STAC2: variants seen among roughly 807,000 people sequenced by gnomAD.
STAC2 encodes the protein SH3 and cysteine rich domain 2.
A neutral mutation model predicts 49.0 loss-of-function variants in STAC2; 36 were observed. The ratio of observed to expected loss-of-function variants is 0.74; its 90% confidence interval spans 0.56 to 0.97. STAC2 has a LOEUF of 0.97. Among genes scored for constraint, STAC2 ranks in the 50% least tolerant of loss-of-function variants. STAC2 has a pLI of 0.00. For synonymous variants in STAC2, 239 were observed against 214.7 expected (o/e 1.11, Z -0.99); for missense variants, 527 against 543.8 (o/e 0.97, Z 0.31).
At chr17:39,219,317 G>A (rs2046439717) in intron 1 of STAC2, among the ~76,000 whole-genome samples, 5 of 151,722 alleles carry the variant, frequency 3.3e-5, no homozygotes, top group Admixed American at 3.3e-4. Context: ...CTTTTGACAT[G>A]TTTGTCCTCT....
intron 2 of STAC2, among the ~76,000 whole-genome samples, chr17:39,217,442 G>A (rs2046415871): frequency 6.6e-6 from 1 of 152,146 alleles, no homozygotes; most frequent in Non-Finnish European, 1.5e-5. Flanking sequence ...GCACAGTTGG[G>A]GGTGGGTGCA....
intron 7 of STAC2, 77 bp downstream of exon 7, chr17:39,214,714 C>G (rs1045542431): frequency 7.2e-6 from 11 of 1,518,234 alleles, no homozygotes; most frequent in East Asian, 2.3e-5. Flanking sequence ...CTCTTGCCCC[C>G]CTATGAATCA....
intron 1 of STAC2, among the ~76,000 whole-genome samples, chr17:39,219,168 A>G (rs542811989): frequency 6.6e-5 from 10 of 152,214 alleles, no homozygotes; most frequent in Non-Finnish European, 1.5e-4. Context: ...CTCTCGCCCC[A>G]GCCACGAGAC....
In STAC2 at chr17:39,213,118, G is replaced by A; in HGVS notation, c.1008C>T (p.Asp336=). The A allele has an allele frequency of 6.2e-7, 1 of 1,609,164 alleles. No individual in the cohort carries two copies. Among genetic ancestry groups the A allele is most frequent in the Non-Finnish European group, 8.5e-7 (1 of 1,179,988 alleles). ...AATTAGCTGGGAAGAAGCCAACCCG[G>A]TCGCCGATCTTGCCCTGGGGATGAG... ...NEDWWKGKIG[D]RVGFFPANFV... Residue 336 remains aspartate, a synonymous_variant, in exon 10 of 11, where the codon GAC becomes GAT. Transcript: ENST00000333461.
intron 1 of STAC2, among the ~76,000 whole-genome samples, chr17:39,224,244 G>C (rs2046489091): frequency 6.6e-6 from 1 of 152,222 alleles, no homozygotes; most frequent in South Asian, 2.1e-4. Flanking sequence ...CGGAGCCCAG[G>C]CTCCCATCAT....
At position 39,212,973 on chromosome 17, in the gene STAC2, G is replaced by C. The variant is rs757197274; in HGVS notation, c.1131+22C>G. 15 of 1,612,738 alleles carry C rather than the reference G, an allele frequency of 9.3e-6. No homozygotes were observed. The East Asian group carries it at 3.3e-4, about 36-fold the overall frequency. ...ACTCCCTCCCTCCGCCATAGGGCCT[G>C]GGCTGGGCCTCAGGCACTCACCTGG... On this transcript the variant is annotated intron_variant, in intron 10 of 10. Coordinates refer to ENST00000333461, the MANE Select transcript of STAC2 (RefSeq NM_198993.5).
chr17:39,212,333 T>A lies in STAC2; in HGVS notation c.1195A>T (p.Lys399Ter), dbSNP rs1276741803. 1.2e-6 allele frequency: 2 copies of A among 1,612,386 alleles called. No homozygotes were observed. The highest frequency in any genetic ancestry group is 1.7e-6 in the Non-Finnish European group (2 of 1,179,268). ...DGFIRVSSGK[K>*]RGLVPVDALT... ...GCGTCGACTGGCACCAGGCCCCGCT[T>A]CTTGCCACTGCTGACGCGGATGAAG... Residue 399 changes from lysine (K) to a stop codon, truncating the protein, a stop_gained, in exon 11 of 11, where the codon AAG becomes TAG. Coordinates refer to ENST00000333461, the MANE Select transcript of STAC2 (RefSeq NM_198993.5). LOFTEE classifies it high-confidence loss of function.
At chr17:39,216,328 C>T (rs567739590) in intron 4 of STAC2, among the ~76,000 whole-genome samples, 41 of 152,266 alleles carry the variant, frequency 2.7e-4, no homozygotes, top group South Asian at 1.4e-3. Flanking sequence ...CCACTTAAGG[C>T]GCTCATGCTG....
chr17:39,213,412 G>A (rs2046372028), intron 9 of STAC2, 95 bp downstream of exon 9: 4 of 1,471,706 alleles, frequency 2.7e-6, no homozygotes, highest in African/African-American at 1.4e-5. Flanking sequence ...GGTTGTCTTT[G>A]GGGCCTGGAG....
chr17:39,224,503 A>G (rs2046492230), intron 1 of STAC2, among the ~76,000 whole-genome samples: 1 of 152,088 alleles, frequency 6.6e-6, no homozygotes, highest in Admixed American at 6.5e-5. Context: ...AGGTCGGGGG[A>G]GTGCTGAGTG....
At chr17:39,212,441 C>G in intron 10 of STAC2, 45 bp from the exon 11 acceptor site, 1 of 1,502,232 alleles carries the variant, frequency 6.7e-7, no homozygotes, top group Non-Finnish European at 9.1e-7. Context: ...TGGCCTGCAG[C>G]CCTGGCCCTG....
chr17:39,216,938 A>G, intron 3 of STAC2, 38 bp from the exon 4 acceptor site: 1 of 1,582,486 alleles, frequency 6.3e-7, no homozygotes, highest in Non-Finnish European at 8.6e-7. Flanking sequence ...TGAGGAGGTC[A>G]TGGCCTATGG....
chr17:39,217,076 C>A lies in STAC2; in HGVS notation c.495G>T (p.Thr165=). 6.2e-7 allele frequency: 1 copy of A among 1,613,848 alleles called. No individual in the cohort carries two copies. Among genetic ancestry groups the A allele is most frequent in the Non-Finnish European group, 8.5e-7 (1 of 1,179,810 alleles). ...EISHQQCPGK[T]STSFRRNFSS... ...CATCTCTGCCTGGGTCCCCGCTCAC[C>A]GTCTTGCCTGGGCATTGCTGGTGGG... is the stretch of plus-strand genomic sequence containing the variant. Residue 165 remains threonine, a splice_region_variant and synonymous_variant, in exon 3 of 11, where the codon ACG becomes ACT. Coordinates refer to ENST00000333461, the MANE Select transcript of STAC2 (RefSeq NM_198993.5).
intron 4 of STAC2, among the ~76,000 whole-genome samples, 155 bp downstream of exon 4, chr17:39,216,655 T>C (rs557154886): frequency 6.6e-6 from 1 of 152,044 alleles, no homozygotes; most frequent in Non-Finnish European, 1.5e-5. Context: ...CAGGCTGGAG[T>C]GCAGTGGCGT....
intron 1 of STAC2, among the ~76,000 whole-genome samples, chr17:39,219,185 T>C (rs1026642014): frequency 6.6e-6 from 1 of 152,102 alleles, no homozygotes; most frequent in African/African-American, 2.4e-5. Context: ...AGACTCTCCT[T>C]GCAACTTGGC....
At chr17:39,220,999 T>C (rs2046457375) in intron 1 of STAC2, among the ~76,000 whole-genome samples, 1 of 150,708 alleles carries the variant, frequency 6.6e-6, no homozygotes, top group South Asian at 2.1e-4. Flanking sequence ...GGTTTCACCG[T>C]GTTAGGCAGG....
In STAC2 at chr17:39,213,487, T is replaced by A; in HGVS notation, c.993+20A>T. On this transcript the variant is annotated intron_variant, in intron 9 of 10. Coordinates refer to ENST00000333461, the MANE Select transcript of STAC2 (RefSeq NM_198993.5). ...GGGGTGCCTACCAGTGTCCCTCCAC[T>A]CCCCACCCTGCCAAGTCACCTTCCA... 1 of 1,613,216 alleles carries A rather than the reference T, an allele frequency of 6.2e-7. No homozygotes were observed. Among genetic ancestry groups the A allele is most frequent in the Non-Finnish European group, 8.5e-7 (1 of 1,179,486 alleles).
intron 9 of STAC2, 64 bp downstream of exon 9, chr17:39,213,443 A>C: frequency 6.3e-7 from 1 of 1,597,290 alleles, no homozygotes; most frequent in Non-Finnish European, 8.6e-7. Flanking sequence ...GGCAGTGCCC[A>C]TTGGGGGTGG....
rs1173239288 is a variant in STAC2 at position 39,212,985 on chromosome 17, A to C, written c.1131+10T>G. 1.9e-6 allele frequency: 3 copies of C among 1,613,194 alleles called. No homozygotes were observed. The highest frequency in any genetic ancestry group is 2.5e-6 in the Non-Finnish European group (3 of 1,179,864). On this transcript the variant is annotated intron_variant, in intron 10 of 10. Coordinates refer to ENST00000333461, the MANE Select transcript of STAC2 (RefSeq NM_198993.5). ...CGCCATAGGGCCTGGGCTGGGCCTC[A>C]GGCACTCACCTGGTTCTCCTTGAGG...
Sources: gnomAD v4.1 joint callset for allele counts (sites outside exome capture counted in the v4.1 genomes callset) on GRCh38, gnomAD v4.1.1 for gene constraint, MANE v1.5 for transcripts, NCBI Gene and HGNC (gene_info 2026-07-23, HGNC 2026-07-21) for gene names.